KCNMB2: variants seen among roughly 807,000 people sequenced by gnomAD.
KCNMB2 encodes calcium-activated potassium channel subunit beta-2.
Under a neutral mutation model 24.5 loss-of-function variants are expected in KCNMB2, and 9 were observed. The ratio of observed to expected loss-of-function variants is 0.37; its 90% CI spans 0.22 to 0.64. The LOEUF is 0.64. Among genes scored for constraint, KCNMB2 ranks in the 30% least tolerant of loss-of-function variants. The probability of loss-of-function intolerance (pLI) is 0.63; values close to 1 mark genes in which losing one functional copy is unlikely to be tolerated. For missense variants in KCNMB2, 226 were observed against 284.3 expected, an observed-to-expected ratio of 0.79 and a Z score of 1.47; for synonymous variants, 109 against 104.4, an observed-to-expected ratio of 1.04 and a Z score of -0.27.
chr3:178,586,882 G>T (rs1323492073), intron 1 of KCNMB2, among the ~76,000 whole-genome samples: 4 of 152,038 alleles, frequency 2.6e-5, no homozygotes, highest in African/African-American at 4.8e-5. Flanking sequence ...TTCTCGGTTT[G>T]ATGTCAAGAT....
At chr3:178,677,946 C>T (rs1203240233) in intron 1 of KCNMB2, among the ~76,000 whole-genome samples, 1 of 152,182 alleles carries the variant, frequency 6.6e-6, no homozygotes, top group Non-Finnish European at 1.5e-5. Flanking sequence ...GGGGTAGAGA[C>T]TTCGCATTTA....
chr3:178,582,013 A>G (rs761132088), intron 1 of KCNMB2, among the ~76,000 whole-genome samples: 2 of 152,250 alleles, frequency 1.3e-5, no homozygotes, highest in East Asian at 1.9e-4. Flanking sequence ...ATTACTGGGT[A>G]TATATCCAAA....
At chr3:178,646,984 C>G (rs1048121849) in intron 1 of KCNMB2, among the ~76,000 whole-genome samples, 1 of 152,112 alleles carries the variant, frequency 6.6e-6, no homozygotes, top group African/African-American at 2.4e-5. Flanking sequence ...TAAGTATGAT[C>G]TTATAGCTAT....
chr3:178,573,642 G>A (rs1171783309), intron 1 of KCNMB2, among the ~76,000 whole-genome samples: 1 of 150,702 alleles, frequency 6.6e-6, no homozygotes, highest in African/African-American at 2.4e-5. Flanking sequence ...AGCAACTTGG[G>A]AGGCTGAGGT....
At chr3:178,759,568 T>C (rs1162381319) in intron 1 of KCNMB2, among the ~76,000 whole-genome samples, 1 of 131,260 alleles carries the variant, frequency 7.6e-6, no homozygotes, top group Admixed American at 7.7e-5. Flanking sequence ...TATATCTCTC[T>C]CCACGAGGAT....
In KCNMB2 at chr3:178,607,545, A is replaced by C. The variant is rs961824696; in HGVS notation, c.-68+70834A>C. 2.6e-5 allele frequency among the ~76,000 whole-genome samples: 4 copies of C among 152,264 alleles called. No individual in the cohort carries two copies. In the South Asian group the frequency reaches 8.3e-4, roughly 32 times the overall value. Reference sequence around the variant, plus strand: ...CATTGTATCTTATCTGAGAGTTTATATACAGGATTGCCAAGGTAGTGATCA... The same window carrying C: ...CATTGTATCTTATCTGAGAGTTTATCTACAGGATTGCCAAGGTAGTGATCA... On this transcript the variant is annotated intron_variant, in intron 1 of 4. Coordinates refer to ENST00000452583, the MANE Select transcript of KCNMB2 (RefSeq NM_181361.3).
At chr3:178,812,902 T>C (rs1422891114) in intron 2 of KCNMB2, among the ~76,000 whole-genome samples, 1 of 152,228 alleles carries the variant, frequency 6.6e-6, no homozygotes, top group African/African-American at 2.4e-5. Context: ...CATCTTGTTA[T>C]TTTGTAGTCA....
intron 1 of KCNMB2, among the ~76,000 whole-genome samples, chr3:178,739,333 A>G (rs1454658411): frequency 2.0e-5 from 3 of 152,226 alleles, no homozygotes; most frequent in Admixed American, 2.0e-4. Context: ...GAGTTATACA[A>G]AAGTAACAGG....
At chr3:178,627,459 T>C (rs754822515) in intron 1 of KCNMB2, among the ~76,000 whole-genome samples, 3 of 152,194 alleles carry the variant, frequency 2.0e-5, no homozygotes, top group Non-Finnish European at 4.4e-5. Context: ...TAACACCCAG[T>C]TCTTTTTTGA....
intron 1 of KCNMB2, among the ~76,000 whole-genome samples, chr3:178,750,705 T>C (rs974393616): frequency 6.6e-6 from 1 of 152,176 alleles, no homozygotes; most frequent in Non-Finnish European, 1.5e-5. Flanking sequence ...CCAACAAAAG[T>C]CCTGATTTGG....
At position 178,568,966 on chromosome 3, in the gene KCNMB2, T is replaced by C. The variant is rs1404843703; in HGVS notation, c.-68+32255T>C. 2.0e-5 allele frequency among the ~76,000 whole-genome samples: 3 copies of C among 152,140 alleles called. No individual in the cohort carries two copies. In the East Asian group the frequency reaches 5.8e-4, roughly 29 times the overall value. On this transcript the variant is annotated intron_variant, in intron 1 of 4. Transcript: ENST00000452583. The stretch of plus-strand genomic sequence containing the variant: ...TCAGTCTCTGTATTATTCAGAACTG[T>C]TTTGGATATAAATGACAGAAACACA...
chr3:178,714,405 G>A (rs962338797), intron 1 of KCNMB2, among the ~76,000 whole-genome samples: 8 of 152,176 alleles, frequency 5.3e-5, no homozygotes, highest in East Asian at 1.9e-4. Flanking sequence ...TGAGGCAGCA[G>A]AAGGAGCAGC....
chr3:178,753,701 C>T (rs753478016), intron 1 of KCNMB2, among the ~76,000 whole-genome samples: 2 of 152,082 alleles, frequency 1.3e-5, no homozygotes, highest in African/African-American at 2.4e-5. Flanking sequence ...TTATGGCATA[C>T]AATGTGATGT....
intron 1 of KCNMB2, among the ~76,000 whole-genome samples, chr3:178,629,493 G>A (rs951742243): frequency 1.3e-5 from 2 of 152,086 alleles, no homozygotes; most frequent in African/African-American, 2.4e-5. Context: ...TGAGAATGGG[G>A]TGGTTGCAAG....
At chr3:178,711,514 CA>C (rs1444587645) in intron 1 of KCNMB2, among the ~76,000 whole-genome samples, 7 of 151,994 alleles carry the variant, frequency 4.6e-5, no homozygotes, top group Non-Finnish European at 1.0e-4. Context: ...AACCAAGAGA[CA>C]AGATTTGGTC....
intron 1 of KCNMB2, among the ~76,000 whole-genome samples, chr3:178,720,285 C>A (rs1722755861): frequency 1.3e-5 from 2 of 149,782 alleles, no homozygotes; most frequent in Non-Finnish European, 3.0e-5. Flanking sequence ...CCAATTTCAT[C>A]CATGTCCCTA....
chr3:178,628,073 T>C (rs528186881), intron 1 of KCNMB2, among the ~76,000 whole-genome samples: 1 of 152,354 alleles, frequency 6.6e-6, no homozygotes, highest in African/African-American at 2.4e-5. Flanking sequence ...TTTTGCTTCA[T>C]ATTTTTAACA....
At chr3:178,600,283 T>C (rs952225490) in intron 1 of KCNMB2, among the ~76,000 whole-genome samples, 2 of 152,186 alleles carry the variant, frequency 1.3e-5, no homozygotes, top group African/African-American at 4.8e-5. Flanking sequence ...ATTGTGTATA[T>C]ATATGCCACA....
chr3:178,617,883 T>A (rs1282790888), intron 1 of KCNMB2, among the ~76,000 whole-genome samples: 5 of 114,192 alleles, frequency 4.4e-5, no homozygotes, highest in East Asian at 4.7e-4. Flanking sequence ...AGAGCAAGAC[T>A]CTGTCTAAAA....
Sources: allele counts gnomAD v4.1 joint callset (sites outside exome capture counted in the v4.1 genomes callset), GRCh38; gene constraint gnomAD v4.1.1; transcripts MANE v1.5; gene names NCBI Gene and HGNC (gene_info 2026-07-23, HGNC 2026-07-21).